KYNU: variants seen among roughly 807,000 people sequenced by gnomAD.
KYNU encodes the protein L-kynurenine hydrolase.
Under a neutral mutation model 59.2 loss-of-function variants are expected in KYNU, and 54 were observed. That is an observed-to-expected ratio of 0.91 (90% CI 0.73 to 1.14). The LOEUF (loss-of-function observed/expected upper bound fraction) is 1.14, where lower values mean the gene tolerates loss of function less well. Among genes scored for constraint, KYNU ranks in the 50% most tolerant of loss-of-function variants. KYNU has a pLI of 0.00. For missense variants in KYNU, 567 were observed against 554.4 expected, an observed-to-expected ratio of 1.02 and a Z score of -0.23; for synonymous variants, 177 against 192.0, an observed-to-expected ratio of 0.92 and a Z score of 0.65.
At chr2:143,022,228 A>AT (rs2105218893) in intron 10 of KYNU, among the ~76,000 whole-genome samples, 1 of 152,116 alleles carries the variant, frequency 6.6e-6, no homozygotes, top group Non-Finnish European at 1.5e-5. Flanking sequence ...TTTTCTTTAG[A>AT]TTTTTTAAAA....
intron 2 of KYNU, among the ~76,000 whole-genome samples, chr2:142,892,124 T>C (rs1274332020): frequency 6.6e-6 from 1 of 152,206 alleles, no homozygotes; most frequent in Non-Finnish European, 1.5e-5. Context: ...ATGTTGCCCA[T>C]GCTTGTCTCA....
Position 143,055,378 on chromosome 2 carries a change from T to C in KYNU, c.*13206T>C, listed in dbSNP as rs1229887604. The C allele has an allele frequency of 6.6e-6, 1 of 152,188 alleles. No individual in the cohort carries two copies. Among genetic ancestry groups the C allele is most frequent in the East Asian group, 1.9e-4 (1 of 5,192 alleles). The allele number at this position is 152,188 out of a possible 1,614,324, so 9.4% of individuals were successfully genotyped here. A position where few individuals can be genotyped will look rare whatever the true frequency, so the allele number is the denominator to read the frequency against. On this transcript the variant is annotated 3_prime_UTR_variant, in exon 14 of 14. Transcript: ENST00000264170. ...CATCTTTAAAGACAGCAACGTTTCA[T>C]CTCTCTACCTATTCTTTCATCCTTA...
chr2:142,969,254 T>C (rs1313541253), intron 8 of KYNU, among the ~76,000 whole-genome samples: 3 of 152,200 alleles, frequency 2.0e-5, no homozygotes, highest in African/African-American at 7.2e-5. Flanking sequence ...ATATATATAC[T>C]TGACACATTT....
At position 143,054,422 on chromosome 2, in the gene KYNU, T is replaced by C. The variant is rs1488029307; in HGVS notation, c.*12250T>C. On this transcript the variant is annotated 3_prime_UTR_variant, in exon 14 of 14. Coordinates refer to ENST00000264170, the MANE Select transcript of KYNU (RefSeq NM_003937.3). The stretch of plus-strand genomic sequence containing the variant: ...ATTTGATGAAGAAAATCGAATATAA[T>C]CATTTTTCAATACTTAGGATAACAG... 6.6e-6 allele frequency: 1 copy of C among 152,210 alleles called. No homozygotes were observed. Among genetic ancestry groups the C allele is most frequent in the African/African-American group, 2.4e-5 (1 of 41,460 alleles). 9.4% of individuals were successfully genotyped at this position (152,210 alleles called of 1,614,324 possible). A position where few individuals can be genotyped will look rare whatever the true frequency, so the allele number is the denominator to read the frequency against.
chr2:142,977,391 A>ATATATATATATATATAT (rs1553484710), intron 8 of KYNU, among the ~76,000 whole-genome samples: 1 of 150,700 alleles, frequency 6.6e-6, no homozygotes, highest in Non-Finnish European at 1.5e-5. Flanking sequence ...ATATATGAAT[A>ATATATATATATATATAT]ATCATATTCA....
At chr2:143,004,003 A>G (rs1685790441) in intron 10 of KYNU, among the ~76,000 whole-genome samples, 1 of 152,252 alleles carries the variant, frequency 6.6e-6, no homozygotes, top group Admixed American at 6.5e-5. Context: ...ATCTTCCATG[A>G]ACAAACATCA....
In KYNU at chr2:143,052,160, C is replaced by T. The variant is rs951746137; in HGVS notation, c.*9988C>T. 1 of 152,308 alleles carries T rather than the reference C, an allele frequency of 6.6e-6. No homozygotes were observed. Among genetic ancestry groups the T allele is most frequent in the African/African-American group, 2.4e-5 (1 of 41,438 alleles). 9.4% of individuals were successfully genotyped at this position (152,308 alleles called of 1,614,324 possible). Reference sequence around the variant, plus strand: ...CCCTAGAGATTTGTGGGACATTAAACTTGAGACAGATTATTTAGGGTATCT... The same window carrying T: ...CCCTAGAGATTTGTGGGACATTAAATTTGAGACAGATTATTTAGGGTATCT... On this transcript the variant is annotated 3_prime_UTR_variant, in exon 14 of 14. Coordinates refer to ENST00000264170, the MANE Select transcript of KYNU (RefSeq NM_003937.3).
At chr2:142,880,347 T>C (rs567615157) in intron 1 of KYNU, among the ~76,000 whole-genome samples, 2 of 152,308 alleles carry the variant, frequency 1.3e-5, no homozygotes, top group Non-Finnish European at 2.9e-5. Context: ...GCACATAGCA[T>C]GTTGCATGAA....
rs189751681 is a variant in KYNU at position 143,029,600 on chromosome 2, A to T, written c.903-27A>T. On this transcript the variant is annotated intron_variant, in intron 10 of 13. Transcript: ENST00000264170. Reference sequence around the variant, plus strand: ...GACTCCATCCAAAAAAACCCCCAAAAACCTAATGTTTTTATTTATATTTTA... The same window carrying T: ...GACTCCATCCAAAAAAACCCCCAAATACCTAATGTTTTTATTTATATTTTA... 1.3e-3 allele frequency: 2,023 copies of T among 1,561,040 alleles called. 6 individuals are homozygous for T. The highest frequency in any genetic ancestry group is 1.7e-3 in the Non-Finnish European group (1,874 of 1,131,878).
intron 8 of KYNU, among the ~76,000 whole-genome samples, chr2:142,961,303 A>G (rs1249697937): frequency 1.3e-5 from 1 of 77,970 alleles, no homozygotes; most frequent in Non-Finnish European, 2.4e-5. Flanking sequence ...TTTTTTTGCC[A>G]CTTCTGTGGT....
chr2:143,032,081 C>T (rs374923186), intron 11 of KYNU, among the ~76,000 whole-genome samples: 50 of 151,998 alleles, frequency 3.3e-4, no homozygotes, highest in South Asian at 1.2e-3. Flanking sequence ...ATCGAGACCA[C>T]CCTGGCTAAC....
intron 2 of KYNU, among the ~76,000 whole-genome samples, chr2:142,903,761 G>A (rs1247600525): frequency 6.6e-6 from 1 of 152,234 alleles, no homozygotes; most frequent in Non-Finnish European, 1.5e-5. Context: ...CCCTGGGGCA[G>A]TGGGCCTTCC....
At chr2:142,960,600 T>C in intron 7 of KYNU, 24 bp from the exon 8 acceptor site, 1 of 1,606,516 alleles carries the variant, frequency 6.2e-7, no homozygotes, top group Non-Finnish European at 8.5e-7. Context: ...CGATATGACC[T>C]AACTTGTGCC....
chr2:142,961,769 CAACA>C (rs1322162301), intron 8 of KYNU, among the ~76,000 whole-genome samples: 1 of 152,106 alleles, frequency 6.6e-6, no homozygotes, highest in East Asian at 1.9e-4. Flanking sequence ...GGGCAACATT[CAACA>C]GTCACAATTT....
chr2:142,933,214 G>A (rs1013211059), intron 4 of KYNU, among the ~76,000 whole-genome samples: 1 of 152,180 alleles, frequency 6.6e-6, no homozygotes, highest in Non-Finnish European at 1.5e-5. Flanking sequence ...GTTTAGAGAG[G>A]TAGGCAATAA....
At chr2:142,959,632 G>A (rs545722905) in intron 7 of KYNU, among the ~76,000 whole-genome samples, 103 of 151,950 alleles carry the variant, frequency 6.8e-4, no homozygotes, top group African/African-American at 2.1e-3. Flanking sequence ...CTAGGATACA[G>A]GATACACATA....
At chr2:142,961,026 C>T (rs1684327860) in intron 8 of KYNU, among the ~76,000 whole-genome samples, 1 of 151,956 alleles carries the variant, frequency 6.6e-6, no homozygotes, top group South Asian at 2.1e-4. Flanking sequence ...AACCCCATCT[C>T]TACTGAAAAT....
intron 10 of KYNU, among the ~76,000 whole-genome samples, chr2:143,018,215 A>G (rs1236242758): frequency 2.0e-5 from 3 of 152,144 alleles, no homozygotes; most frequent in Non-Finnish European, 4.4e-5. Context: ...ATTCTTTGCC[A>G]AAGCTGATAT....
chr2:142,975,746 A>C (rs1684862973), intron 8 of KYNU, among the ~76,000 whole-genome samples: 1 of 152,186 alleles, frequency 6.6e-6, no homozygotes, highest in African/African-American at 2.4e-5. Flanking sequence ...GCACAAGTTG[A>C]TAAATAAATG....
Sources: gnomAD v4.1 joint callset for allele counts (sites outside exome capture counted in the v4.1 genomes callset) on GRCh38, gnomAD v4.1.1 for gene constraint, MANE v1.5 for transcripts, NCBI Gene and HGNC (gene_info 2026-07-23, HGNC 2026-07-21) for gene names.